Variants in AGL observed in about 807,000 individuals in gnomAD.
AGL encodes the protein glycogen debranching enzyme.
A neutral mutation model predicts 199.3 loss-of-function variants in AGL; 128 were observed. That is an observed-to-expected ratio of 0.64 (90% CI 0.56 to 0.74). The LOEUF is 0.74. Ranked by LOEUF, AGL falls within the 30% of genes least tolerant of loss-of-function variation. The pLI, the probability that AGL is intolerant of heterozygous loss-of-function variation, is 0.00. For missense variants in AGL, 1,809 were observed against 1,820.8 expected (o/e 0.99, Z 0.12); for synonymous variants, 584 against 594.7 (o/e 0.98, Z 0.26).
At chr1:99,884,024 T>C (rs2100767521) in intron 17 of AGL, 96 bp from the exon 18 acceptor site, 4 of 1,050,464 alleles carry the variant, frequency 3.8e-6, no homozygotes, top group Non-Finnish European at 5.8e-6. Flanking sequence ...TAATTTGTTT[T>C]CAACTTTAAG....
intron 2 of AGL, among the ~76,000 whole-genome samples, chr1:99,856,621 T>A (rs538419609): frequency 6.6e-6 from 1 of 152,094 alleles, no homozygotes; most frequent in South Asian, 2.1e-4. Context: ...CCCTGGGTAC[T>A]TGAGATTAGG....
intron 7 of AGL, among the ~76,000 whole-genome samples, chr1:99,871,999 AT>A (rs1277598212): frequency 1.3e-5 from 2 of 151,980 alleles, no homozygotes; most frequent in African/African-American, 4.8e-5. Context: ...TTTTATATTT[AT>A]TTTTATTTTT....
intron 17 of AGL, 92 bp from the exon 18 acceptor site, chr1:99,884,028 C>CTT: frequency 9.2e-7 from 1 of 1,087,760 alleles, no homozygotes; most frequent in Admixed American, 1.9e-5. Context: ...TTGTTTTCAA[C>CTT]TTTAAGTTAA....
intron 2 of AGL, among the ~76,000 whole-genome samples, chr1:99,856,067 C>T (rs1649389927): frequency 6.6e-6 from 1 of 152,138 alleles, no homozygotes; most frequent in African/African-American, 2.4e-5. Context: ...AGTATCCTAG[C>T]ATTAGTATGA....
At chr1:99,903,217 A>G (rs1174254839) in intron 27 of AGL, among the ~76,000 whole-genome samples, 1 of 152,156 alleles carries the variant, frequency 6.6e-6, no homozygotes, top group Non-Finnish European at 1.5e-5. Flanking sequence ...TACATGTGCC[A>G]TGTTGGTGTG....
intron 2 of AGL, among the ~76,000 whole-genome samples, chr1:99,856,073 T>C (rs1000973229): frequency 1.9e-4 from 29 of 152,300 alleles, no homozygotes; most frequent in Non-Finnish European, 3.8e-4. Flanking sequence ...CTAGCATTAG[T>C]ATGAGGAATA....
chr1:99,912,471 C>CA lies in AGL; in HGVS notation c.3911dup (p.Asn1304LysfsTer7), dbSNP rs745757264. The CA allele has an allele frequency of 1.7e-5, 28 of 1,611,946 alleles. No individual in the cohort carries two copies. The highest frequency in any genetic ancestry group is 2.7e-5 in the African/African-American group (2 of 74,702). ...CTGTTCGCTGGTTGCTGGAATTATCCAAAAAAAATATTTTCCCTTATCATG... is the reference window on the plus strand; with the variant it reads ...CTGTTCGCTGGTTGCTGGAATTATCCAAAAAAAAATATTTTCCCTTATCATG... On this transcript the variant is annotated frameshift_variant, in exon 29 of 34. Transcript: ENST00000361915. LOFTEE classifies it high-confidence loss of function.
chr1:99,873,448 T>G (rs1026704483), intron 7 of AGL, among the ~76,000 whole-genome samples: 3 of 151,574 alleles, frequency 2.0e-5, no homozygotes, highest in Admixed American at 6.6e-5. Flanking sequence ...TTTTTTTTTT[T>G]TTTGAGACAG....
chr1:99,857,367 A>T (rs998672169), intron 2 of AGL, among the ~76,000 whole-genome samples: 4 of 150,860 alleles, frequency 2.7e-5, no homozygotes, highest in South Asian at 2.1e-4. Context: ...ATCCCAGACG[A>T]AGGGTGGCCG....
At chr1:99,852,465 G>C in intron 2 of AGL, 2 of 586,562 alleles carry the variant, frequency 3.4e-6, no homozygotes, top group Non-Finnish European at 6.0e-6. Context: ...AACTTCCTGG[G>C]CTCAAGCAGT....
At chr1:99,908,418 T>C (rs1654487970) in intron 27 of AGL, among the ~76,000 whole-genome samples, 2 of 152,200 alleles carry the variant, frequency 1.3e-5, no homozygotes, top group Non-Finnish European at 2.9e-5. Context: ...AGTGTAGCTT[T>C]GTAGTAAGTT....
chr1:99,921,390 T>C, intron 33 of AGL, 144 bp from the exon 34 acceptor site: 1 of 665,538 alleles, frequency 1.5e-6, no homozygotes, highest in South Asian at 1.7e-5. Flanking sequence ...TTCATTTGTA[T>C]GTCTTTAGGA....
Position 99,870,633 on chromosome 1 carries a change from A to C in AGL, c.846+52A>C, listed in dbSNP as rs368664863. The stretch of plus-strand genomic sequence containing the variant: ...CTAAAACAGAAAAAATTTCTAAAGC[A>C]CACATTAAATATATGGTTGAAAATT... On this transcript the variant is annotated intron_variant, in intron 6 of 33. Coordinates refer to ENST00000361915, the MANE Select transcript of AGL (RefSeq NM_000642.3). The C allele has an allele frequency of 6.5e-5, 103 of 1,588,150 alleles. No individual in the cohort carries two copies. The African/African-American group carries it at 1.2e-3, about 19-fold the overall frequency.
intron 2 of AGL, among the ~76,000 whole-genome samples, chr1:99,860,733 C>T (rs1045713781): frequency 6.6e-6 from 1 of 152,146 alleles, no homozygotes; most frequent in Non-Finnish European, 1.5e-5. Flanking sequence ...GTTGGAGGTG[C>T]TTTTGCTGGC....
chr1:99,858,417 C>T lies in AGL; in HGVS notation c.83-3086C>T, dbSNP rs370054163. Among the ~76,000 whole-genome samples the T allele has an allele frequency of 7.9e-5, 12 of 152,254 alleles. No individual in the cohort carries two copies. The South Asian group carries it at 1.9e-3, about 24-fold the overall frequency. ...CATATTTTCCTGCAAAAGTTCAGAT[C>T]GCAAATCTTTGCAGCTTTTCAGGCA... On this transcript the variant is annotated intron_variant, in intron 2 of 33. Transcript: ENST00000361915.
Position 99,900,624 on chromosome 1 carries a change from C to A in AGL, c.3363-12C>A. ...GTTTTCATTTCTGATCCACTTAATT[C>A]TGTTGTTTTAGGAATATTATTTTAG... is the stretch of plus-strand genomic sequence containing the variant. On this transcript the variant is annotated splice_polypyrimidine_tract_variant and intron_variant, in intron 25 of 33. Transcript: ENST00000361915. 1.9e-6 allele frequency: 3 copies of A among 1,607,170 alleles called. No individual in the cohort carries two copies. Among genetic ancestry groups the A allele is most frequent in the East Asian group, 2.2e-5 (1 of 44,830 alleles).
rs976955943 is a variant in AGL at position 99,923,168 on chromosome 1, A to G, written c.*1517A>G. The G allele has an allele frequency of 2.5e-4, 38 of 152,140 alleles. No individual in the cohort carries two copies. The highest frequency in any genetic ancestry group is 9.2e-4 in the African/African-American group (38 of 41,466). 9.4% of individuals were successfully genotyped at this position (152,140 alleles called of 1,614,324 possible). A position where few individuals can be genotyped will look rare whatever the true frequency, so the allele number is the denominator to read the frequency against. ...CTACAAATTTAAGGACAGTTGTGAC[A>G]GTAATCTGACCACTATCTATAAATA... On this transcript the variant is annotated 3_prime_UTR_variant, in exon 34 of 34. Transcript: ENST00000361915.
chr1:99,859,522 G>C (rs1285046986), intron 2 of AGL, among the ~76,000 whole-genome samples: 1 of 149,584 alleles, frequency 6.7e-6, no homozygotes, highest in Non-Finnish European at 1.5e-5. Flanking sequence ...TGTGTACAAT[G>C]TAACAAAATA....
intron 4 of AGL, 53 bp downstream of exon 4, chr1:99,862,476 C>T: frequency 6.3e-7 from 1 of 1,585,916 alleles, no homozygotes; most frequent in Non-Finnish European, 8.6e-7. Flanking sequence ...TGTAATTATC[C>T]TCTGTGATAT....
Sources: allele counts gnomAD v4.1 joint callset (sites outside exome capture counted in the v4.1 genomes callset), GRCh38; gene constraint gnomAD v4.1.1; transcripts MANE v1.5; gene names NCBI Gene and HGNC (gene_info 2026-07-23, HGNC 2026-07-21).